The following MYO3B variants were observed in gnomAD, a reference collection of about 807,000 sequenced individuals.
The protein encoded by MYO3B is myosin-IIIb.
MYO3B carries 156 observed loss-of-function variants against 174.6 expected under a neutral mutation model. The observed-to-expected ratio is 0.89, with a 90% confidence interval of 0.78 to 1.02. The LOEUF (loss-of-function observed/expected upper bound fraction) is 1.02. Among genes scored for constraint, MYO3B ranks in the 50% least tolerant of loss-of-function variants. The probability of loss-of-function intolerance (pLI) is 0.00; values close to 1 mark genes in which losing one functional copy is unlikely to be tolerated. For synonymous variants in MYO3B, 563 were observed against 569.1 expected (o/e 0.99, Z 0.15); for missense variants, 1,632 against 1,639.4 (o/e 1.00, Z 0.08).
At chr2:170,228,771 C>A (rs1207326072) in intron 6 of MYO3B, among the ~76,000 whole-genome samples, 1 of 152,058 alleles carries the variant, frequency 6.6e-6, no homozygotes, top group Non-Finnish European at 1.5e-5. Flanking sequence ...AAAAAAGAGA[C>A]CCATAGAACA....
At chr2:170,407,600 A>ATATGAAAGCTG in intron 21 of MYO3B, 115 bp from the exon 22 acceptor site, 1 of 369,932 alleles carries the variant, frequency 2.7e-6, no homozygotes, top group Non-Finnish European at 4.6e-6. Context: ...TATGAAAGCT[A>ATATGAAAGCTG]TGTAAAGATG....
chr2:170,619,700 C>T (rs1695730674), intron 32 of MYO3B, among the ~76,000 whole-genome samples: 1 of 142,872 alleles, frequency 7.0e-6, no homozygotes, highest in Non-Finnish European at 1.5e-5. Flanking sequence ...TTTCAAACCT[C>T]ATCTCTAAAG....
At chr2:170,494,694 C>T (rs1378078538) in intron 25 of MYO3B, among the ~76,000 whole-genome samples, 2 of 133,764 alleles carry the variant, frequency 1.5e-5, no homozygotes, top group Admixed American at 8.5e-5. Context: ...CACCGCTGTA[C>T]TCCAGCCTGG....
chr2:170,225,857 G>A (rs1420858084), intron 6 of MYO3B, among the ~76,000 whole-genome samples: 1 of 152,208 alleles, frequency 6.6e-6, no homozygotes, highest in Non-Finnish European at 1.5e-5. Flanking sequence ...ACTGTTCAGG[G>A]CAGTGCCAGA....
At chr2:170,564,560 T>C (rs900917796) in intron 32 of MYO3B, among the ~76,000 whole-genome samples, 1 of 152,222 alleles carries the variant, frequency 6.6e-6, no homozygotes, top group African/African-American at 2.4e-5. Context: ...AAGTTATTTC[T>C]GGTATTCCAG....
chr2:170,648,799 A>C (rs1419349628), intron 32 of MYO3B, among the ~76,000 whole-genome samples: 4 of 117,592 alleles, frequency 3.4e-5, no homozygotes, highest in Admixed American at 1.1e-4. Flanking sequence ...AATCTATATA[A>C]TACATATTAT....
chr2:170,645,790 T>G (rs1464133263), intron 32 of MYO3B, among the ~76,000 whole-genome samples: 2 of 152,230 alleles, frequency 1.3e-5, no homozygotes, highest in Non-Finnish European at 2.9e-5. Context: ...AAGCATAGAT[T>G]TAGTCAATGT....
intron 7 of MYO3B, among the ~76,000 whole-genome samples, chr2:170,331,927 C>T (rs1340343146): frequency 6.6e-6 from 1 of 152,164 alleles, no homozygotes; most frequent in Non-Finnish European, 1.5e-5. Flanking sequence ...CTCCCTCTTC[C>T]ACTTTAAAAG....
chr2:170,651,669 C>T lies in MYO3B; in HGVS notation c.3775C>T (p.Arg1259Ter), dbSNP rs527977285. Reference protein sequence around the residue: ...GLAQKHRTPRRRCQQPKMLSS... With the variant: ...GLAQKHRTPR Reference sequence around the variant, plus strand: ...TGCACAGAAGCATCGAACACCTCGCCGACGATGTCAGCAGCCCAAAATGCT... The same window carrying T: ...TGCACAGAAGCATCGAACACCTCGCTGACGATGTCAGCAGCCCAAAATGCT... The change falls in exon 33 of 35, where the codon CGA (arginine) becomes TGA (stop). Residue 1259 changes from arginine to a stop codon, truncating the protein, a stop_gained. Coordinates refer to ENST00000408978, the MANE Select transcript of MYO3B (RefSeq NM_138995.5). LOFTEE classifies it high-confidence loss of function. The T allele has an allele frequency of 1.7e-5, 27 of 1,614,064 alleles. No individual in the cohort carries two copies. The highest frequency in any genetic ancestry group is 2.7e-5 in the African/African-American group (2 of 74,998).
chr2:170,574,942 TC>T (rs1692696736), intron 32 of MYO3B, among the ~76,000 whole-genome samples: 1 of 152,058 alleles, frequency 6.6e-6, no homozygotes, highest in African/African-American at 2.4e-5. Flanking sequence ...TCACTTACCC[TC>T]CCCACTCCCT....
At chr2:170,386,589 C>G (rs1188131355) in intron 13 of MYO3B, among the ~76,000 whole-genome samples, 2 of 152,090 alleles carry the variant, frequency 1.3e-5, no homozygotes, top group East Asian at 3.9e-4. Flanking sequence ...TCAGGGAAAG[C>G]CACTATAGTG....
At chr2:170,413,186 G>A (rs190088767) in intron 22 of MYO3B, among the ~76,000 whole-genome samples, 200 of 152,280 alleles carry the variant, frequency 1.3e-3, no homozygotes, top group Middle Eastern at 0.01. Context: ...GAAATGTCAT[G>A]GGTAAACATG....
At chr2:170,369,910 T>C (rs1229973389) in intron 9 of MYO3B, among the ~76,000 whole-genome samples, 1 of 152,204 alleles carries the variant, frequency 6.6e-6, no homozygotes, top group East Asian at 1.9e-4. Context: ...TTTGGTATTT[T>C]TAAGTAACAT....
chr2:170,258,369 A>G (rs535447082), intron 7 of MYO3B, among the ~76,000 whole-genome samples: 1 of 152,204 alleles, frequency 6.6e-6, no homozygotes, highest in Non-Finnish European at 1.5e-5. Flanking sequence ...CATTACAATC[A>G]GGTAGGCTTT....
At chr2:170,554,486 TGAGAGTGGCAG>T (rs1691148890) in intron 32 of MYO3B, among the ~76,000 whole-genome samples, 1 of 150,222 alleles carries the variant, frequency 6.7e-6, no homozygotes, top group Non-Finnish European at 1.5e-5. Flanking sequence ...GCCACAGATG[TGAGAGTGGCAG>T]ATACAAGCCG....
chr2:170,598,753 G>C (rs1694305089), intron 32 of MYO3B, among the ~76,000 whole-genome samples: 1 of 152,128 alleles, frequency 6.6e-6, no homozygotes, highest in African/African-American at 2.4e-5. Context: ...TGTGAACTTG[G>C]GTTAAGGGGT....
chr2:170,510,374 C>T (rs113815242), intron 28 of MYO3B, among the ~76,000 whole-genome samples: 93 of 152,146 alleles, frequency 6.1e-4, no homozygotes, highest in African/African-American at 2.1e-3. Context: ...AACACTAGAT[C>T]CCCTCCATAA....
chr2:170,184,305 T>A (rs1354250143), intron 1 of MYO3B, among the ~76,000 whole-genome samples: 2 of 152,116 alleles, frequency 1.3e-5, no homozygotes, highest in Non-Finnish European at 2.9e-5. Flanking sequence ...ATTCTATTTT[T>A]TTGTACCCAT....
chr2:170,547,402 C>T (rs1690589414), intron 32 of MYO3B, among the ~76,000 whole-genome samples: 1 of 151,610 alleles, frequency 6.6e-6, no homozygotes, highest in African/African-American at 2.4e-5. Context: ...AAGAGAAAAG[C>T]ACAATATACC....
Sources: allele counts gnomAD v4.1 joint callset (sites outside exome capture counted in the v4.1 genomes callset), GRCh38; gene constraint gnomAD v4.1.1; transcripts MANE v1.5; gene names NCBI Gene and HGNC (gene_info 2026-07-23, HGNC 2026-07-21).